Variants in COMMD10 observed in about 807,000 individuals in gnomAD.
COMMD10 encodes COMM domain-containing protein 10.
COMMD10 carries 33 observed loss-of-function variants against 28.9 expected under a neutral mutation model. The ratio of observed to expected loss-of-function variants is 1.14; its 90% CI spans 0.87 to 1.53. The LOEUF (loss-of-function observed/expected upper bound fraction) is 1.53, where lower values mean the gene tolerates loss of function less well. COMMD10 is among the 40% of genes most tolerant of loss of function. COMMD10 has a pLI of 0.00. For synonymous variants in COMMD10, 110 were observed against 81.7 expected (o/e 1.35, Z -1.87); for missense variants, 310 against 233.4 (o/e 1.33, Z -2.14).
intron 5 of COMMD10, among the ~76,000 whole-genome samples, chr5:116,158,150 T>C (rs866803236): frequency 0.016 from 265 of 16,710 alleles, 21 homozygotes; most frequent in African/African-American, 0.048. Context: ...CTCCCTCCCT[T>C]CCCCTCCCTC....
intron 5 of COMMD10, among the ~76,000 whole-genome samples, chr5:116,147,090 T>C (rs894759079): frequency 6.6e-6 from 1 of 151,862 alleles, no homozygotes; most frequent in Non-Finnish European, 1.5e-5. Context: ...GGGTGTTTTC[T>C]TTTTGCATAT....
At chr5:116,126,838 G>A (rs1044677879) in intron 4 of COMMD10, among the ~76,000 whole-genome samples, 2 of 152,128 alleles carry the variant, frequency 1.3e-5, no homozygotes, top group East Asian at 3.9e-4. Flanking sequence ...GGAAACCTAG[G>A]CAATACCATT....
rs375227609 is a variant in COMMD10, at chr5:116,143,069, GT to G, written c.510+8908del. Among the ~76,000 whole-genome samples the G allele has an allele frequency of 2.4e-3, 308 of 130,978 alleles. 2 individuals are homozygous for G. The highest frequency in any genetic ancestry group is 5.5e-3 in the African/African-American group (195 of 35,184). The allele number at this position is 130,978 out of a possible 152,430, so 85.9% of individuals were successfully genotyped here. On this transcript the variant is annotated intron_variant, in intron 5 of 6. Coordinates refer to ENST00000274458, the MANE Select transcript of COMMD10 (RefSeq NM_016144.4). ...TCCCTCAATTTAATGTGTGTTTTTG[GT>G]TTTTTTTTTTTTTTTTGGTTTTGTG...
At chr5:116,086,123 C>A (rs544812437) in intron 1 of COMMD10, among the ~76,000 whole-genome samples, 1 of 152,270 alleles carries the variant, frequency 6.6e-6, no homozygotes, top group South Asian at 2.1e-4. Flanking sequence ...TTGGTGTACT[C>A]CCTATGTAAA....
rs1368257080 is a variant in COMMD10 at position 116,217,912 on chromosome 5, C to G, written c.511-73605C>G. 3 of 650,604 alleles carry G rather than the reference C, an allele frequency of 4.6e-6. No individual in the cohort carries two copies. In the South Asian group the frequency reaches 5.2e-5, roughly 11 times the overall value. The allele number at this position is 650,604 out of a possible 1,614,324, so 40.3% of individuals were successfully genotyped here. On this transcript the variant is annotated intron_variant, in intron 5 of 6. Coordinates refer to ENST00000274458, the MANE Select transcript of COMMD10 (RefSeq NM_016144.4). Reference sequence around the variant, plus strand: ...AGTGTTCTGTGTGCTAACAGCATAGCTCAAAAAAAAAAAGTAAAACAAAAT... The same window carrying G: ...AGTGTTCTGTGTGCTAACAGCATAGGTCAAAAAAAAAAAGTAAAACAAAAT...
chr5:116,201,608 T>C (rs1561664671), intron 5 of COMMD10, among the ~76,000 whole-genome samples: 2 of 152,136 alleles, frequency 1.3e-5, no homozygotes, highest in Non-Finnish European at 1.5e-5. Flanking sequence ...AATCGTTGAT[T>C]TTTCAGTTTG....
chr5:116,285,273 A>G (rs1751187558), intron 5 of COMMD10, among the ~76,000 whole-genome samples: 1 of 151,986 alleles, frequency 6.6e-6, no homozygotes, highest in African/African-American at 2.4e-5. Flanking sequence ...TGATAAGATA[A>G]CTTCTTGATA....
At chr5:116,268,408 C>G (rs1750660843) in intron 5 of COMMD10, among the ~76,000 whole-genome samples, 2 of 151,916 alleles carry the variant, frequency 1.3e-5, no homozygotes, top group South Asian at 2.1e-4. Context: ...GAGATACCAT[C>G]TCATACCAGT....
chr5:116,204,277 A>G (rs979553086), intron 5 of COMMD10, among the ~76,000 whole-genome samples: 1 of 152,218 alleles, frequency 6.6e-6, no homozygotes, highest in Non-Finnish European at 1.5e-5. Context: ...TTAGACTCCC[A>G]CACAATAATA....
At chr5:116,139,293 A>C (rs532024124) in intron 5 of COMMD10, among the ~76,000 whole-genome samples, 23 of 151,864 alleles carry the variant, frequency 1.5e-4, no homozygotes, top group African/African-American at 5.5e-4. Context: ...CTTATGTAGT[A>C]AGTAAAGTAT....
chr5:116,154,384 TAA>T (rs776485365), intron 5 of COMMD10, among the ~76,000 whole-genome samples: 3 of 152,168 alleles, frequency 2.0e-5, no homozygotes, highest in Non-Finnish European at 4.4e-5. Context: ...AGTTATAGCA[TAA>T]AAGTTACTTG....
intron 5 of COMMD10, among the ~76,000 whole-genome samples, chr5:116,171,304 C>T (rs2416433): frequency 0.11 from 16,141 of 152,070 alleles, 956 homozygotes; most frequent in African/African-American, 0.15. Flanking sequence ...GTTGGAATGG[C>T]GATCATTAAA....
intron 5 of COMMD10, among the ~76,000 whole-genome samples, chr5:116,252,617 T>C (rs10478296): frequency 0.94 from 95,247 of 100,950 alleles, 45,054 homozygotes; most frequent in East Asian, 0.99. Context: ...TGTAGCTATG[T>C]GGCATTATTT....
chr5:116,179,564 G>T (rs968652738), intron 5 of COMMD10, among the ~76,000 whole-genome samples: 3 of 152,094 alleles, frequency 2.0e-5, no homozygotes, highest in African/African-American at 7.2e-5. Context: ...GGAACAAGAA[G>T]GAAGCTTAAA....
At chr5:116,233,444 C>T (rs1481008029) in intron 5 of COMMD10, among the ~76,000 whole-genome samples, 3 of 152,082 alleles carry the variant, frequency 2.0e-5, no homozygotes, top group Non-Finnish European at 2.9e-5. Context: ...GGGAACTATA[C>T]ATAACAGTTT....
At chr5:116,244,572 G>T (rs1324952492) in intron 5 of COMMD10, among the ~76,000 whole-genome samples, 1 of 144,814 alleles carries the variant, frequency 6.9e-6, no homozygotes, top group Non-Finnish European at 1.5e-5. Context: ...AAGAATAGGA[G>T]AAGTTTCCCC....
chr5:116,181,483 TC>T (rs1747956603), intron 5 of COMMD10, among the ~76,000 whole-genome samples: 1 of 150,876 alleles, frequency 6.6e-6, no homozygotes, highest in Non-Finnish European at 1.5e-5. Context: ...TTTAAACCTA[TC>T]TACATTATTG....
At position 116,292,767 on chromosome 5, in the gene COMMD10, A is replaced by T; in HGVS notation, c.*278A>T. ...TGAATACCATATTGTTTTTACTGTC[A>T]TAGTGTTGCTTTCTTGCCTGTCCTG... On this transcript the variant is annotated 3_prime_UTR_variant, in exon 7 of 7. Coordinates refer to ENST00000274458, the MANE Select transcript of COMMD10 (RefSeq NM_016144.4). The T allele has an allele frequency of 2.5e-6, 1 of 405,326 alleles. No homozygotes were observed. Among genetic ancestry groups the T allele is most frequent in the Non-Finnish European group, 4.3e-6 (1 of 230,080 alleles). The allele number at this position is 405,326 out of a possible 1,614,324, so 25.1% of individuals were successfully genotyped here. A position where few individuals can be genotyped will look rare whatever the true frequency, so the allele number is the denominator to read the frequency against.
intron 5 of COMMD10, among the ~76,000 whole-genome samples, chr5:116,245,478 T>C (rs75333314): frequency 0.036 from 5,440 of 152,228 alleles, 318 homozygotes; most frequent in African/African-American, 0.12. Flanking sequence ...AACTCCTCCC[T>C]AACTCATCCT....
Sources: gnomAD v4.1 joint callset for allele counts (sites outside exome capture counted in the v4.1 genomes callset) on GRCh38, gnomAD v4.1.1 for gene constraint, MANE v1.5 for transcripts, NCBI Gene and HGNC (gene_info 2026-07-23, HGNC 2026-07-21) for gene names.